The following FTCDNL1 variants were observed in gnomAD, a reference collection of about 807,000 sequenced individuals.
The protein encoded by FTCDNL1 is formiminotransferase N-terminal subdomain-containing protein.
Under a neutral mutation model 5.9 loss-of-function variants are expected in FTCDNL1, and 11 were observed. That is an observed-to-expected ratio of 1.87 (90% CI 1.18 to 3.10). The LOEUF is 3.10. Ranked by LOEUF, FTCDNL1 falls within the 30% of genes most tolerant of loss-of-function variation. The pLI is 0.00. For missense variants in FTCDNL1, 115 were observed against 65.5 expected, an observed-to-expected ratio of 1.76 and a Z score of -2.61; for synonymous variants, 58 against 24.8, an observed-to-expected ratio of 2.34 and a Z score of -3.99.
chr2:199,813,910 C>A (rs1701185459), intron 4 of FTCDNL1, among the ~76,000 whole-genome samples: 1 of 48,558 alleles, frequency 2.1e-5, no homozygotes. Flanking sequence ...GAGACTCTGT[C>A]TCAAAAAAAA....
chr2:199,805,854 G>C (rs1048109930), downstream of FTCDNL1, among the ~76,000 whole-genome samples: 15 of 151,944 alleles, frequency 9.9e-5, no homozygotes, highest in Admixed American at 2.6e-4. Flanking sequence ...GGGACGTCAA[G>C]GCTGCAGAGA....
intron 3 of FTCDNL1, among the ~76,000 whole-genome samples, chr2:199,829,186 T>C (rs1042882432): frequency 2.6e-5 from 4 of 152,202 alleles, no homozygotes; most frequent in Non-Finnish European, 5.9e-5. Context: ...CAGTTTTTTT[T>C]AGGTTATTTT....
the FTCDNL1 span, among the ~76,000 whole-genome samples, chr2:199,718,889 T>A: frequency 2.0e-5 from 3 of 152,236 alleles, no homozygotes; most frequent in African/African-American, 7.2e-5. Flanking sequence ...AATGATTTTT[T>A]TTATTATTTT....
chr2:199,779,931 A>T (rs1024427906), intron 3 of FTCDNL1, among the ~76,000 whole-genome samples: 1 of 152,186 alleles, frequency 6.6e-6, no homozygotes, highest in Non-Finnish European at 1.5e-5. Flanking sequence ...TCAGCAGAGG[A>T]CCACAGCCTG....
At chr2:199,797,937 G>T (rs757772456) in intron 3 of FTCDNL1, among the ~76,000 whole-genome samples, 2 of 152,196 alleles carry the variant, frequency 1.3e-5, no homozygotes, top group Non-Finnish European at 2.9e-5. Flanking sequence ...ACAACAGGAA[G>T]AGGCATGAGG....
At chr2:199,697,735 C>T in the FTCDNL1 span, among the ~76,000 whole-genome samples, 1 of 152,144 alleles carries the variant, frequency 6.6e-6, no homozygotes, top group Non-Finnish European at 1.5e-5. Flanking sequence ...CTCTACATAA[C>T]AACCAGCTAA....
Position 199,819,676 on chromosome 2 carries a change from C to G in FTCDNL1, c.293G>C (p.Ser98Thr). The G allele has an allele frequency of 2.8e-6, 2 of 702,356 alleles. No individual in the cohort carries two copies. The highest frequency in any genetic ancestry group is 5.4e-5 in the East Asian group (2 of 37,292). 43.5% of individuals were successfully genotyped at this position (702,356 alleles called of 1,614,324 possible). A position where few individuals can be genotyped will look rare whatever the true frequency, so the allele number is the denominator to read the frequency against. ...CAGCTGCTTCCTTCTCTGCACAAGA[C>G]TGCGCTTCTCAGGCAGGTCAGCTTC... is the stretch of plus-strand genomic sequence containing the variant. ...FGEADLPEKRSLVQRRKQLGW... is the reference protein window; with the variant it reads ...FGEADLPEKRTLVQRRKQLGW... Residue 98 changes from serine (S) to threonine (T), a missense_variant, in exon 4 of 5, where the codon AGT becomes ACT. By Grantham distance (58) the Ser-to-Thr change is moderately conservative. Coordinates refer to ENST00000420128, the MANE Select transcript of FTCDNL1 (RefSeq NM_001363886.2).
At position 199,773,072 on chromosome 2, in the gene FTCDNL1, C is replaced by T. The variant is rs115586039; in HGVS notation, c.212-12237G>A. On this transcript the variant is annotated intron_variant, in intron 3 of 3. Coordinates refer to the FTCDNL1 transcript ENST00000416668. ...TTTAATGGGGATATGATGAGGCTCACTACCCCTGTAAGGCTGGTATTAATT... is the reference window on the plus strand; with the variant it reads ...TTTAATGGGGATATGATGAGGCTCATTACCCCTGTAAGGCTGGTATTAATT... Among the ~76,000 whole-genome samples the T allele has an allele frequency of 4.5e-3, 681 of 152,228 alleles. 6 individuals are homozygous for T. Among genetic ancestry groups the T allele is most frequent in the African/African-American group, 0.015 (616 of 41,540 alleles).
intron 3 of FTCDNL1, among the ~76,000 whole-genome samples, chr2:199,777,778 G>T (rs1369549799): frequency 1.3e-5 from 2 of 152,026 alleles, no homozygotes; most frequent in Admixed American, 1.3e-4. Flanking sequence ...CTGACAAGGG[G>T]GTGGAACGTT....
At chr2:199,717,680 A>G in the FTCDNL1 span, among the ~76,000 whole-genome samples, 1 of 152,000 alleles carries the variant, frequency 6.6e-6, no homozygotes, top group Non-Finnish European at 1.5e-5. Flanking sequence ...GGAGGCCACA[A>G]CTGGTCAGCA....
At chr2:199,685,391 A>G in the FTCDNL1 span, among the ~76,000 whole-genome samples, 1 of 152,256 alleles carries the variant, frequency 6.6e-6, no homozygotes, top group African/African-American at 2.4e-5. Context: ...CACTACCTCC[A>G]GAGCCACCTA....
intron 3 of FTCDNL1, among the ~76,000 whole-genome samples, chr2:199,787,349 A>C (rs1699709685): frequency 6.6e-6 from 1 of 151,788 alleles, no homozygotes; most frequent in African/African-American, 2.4e-5. Context: ...CGCCCAGCTA[A>C]TTTCTTGTAT....
intron 3 of FTCDNL1, among the ~76,000 whole-genome samples, chr2:199,839,995 G>A (rs1351956567): frequency 2.0e-5 from 3 of 152,202 alleles, no homozygotes; most frequent in Non-Finnish European, 4.4e-5. Context: ...ATGGGATTCA[G>A]GTTGAGGACC....
chr2:199,744,854 C>T, the FTCDNL1 span, among the ~76,000 whole-genome samples: 1 of 152,228 alleles, frequency 6.6e-6, no homozygotes, highest in African/African-American at 2.4e-5. Context: ...TTTCCTAGAG[C>T]TAAGCCTGCT....
chr2:199,819,701 C>T lies in FTCDNL1; in HGVS notation c.268G>A (p.Glu90Lys), dbSNP rs905139170. The T allele has an allele frequency of 4.0e-5, 28 of 702,150 alleles. No individual in the cohort carries two copies. Among genetic ancestry groups the T allele is most frequent in the African/African-American group, 7.0e-5 (4 of 57,210 alleles). 43.5% of individuals were successfully genotyped at this position (702,150 alleles called of 1,614,324 possible). A position where few individuals can be genotyped will look rare whatever the true frequency, so the allele number is the denominator to read the frequency against. ...VPGCSVFLFG[E>K]ADLPEKRSLV... ...CTGCGCTTCTCAGGCAGGTCAGCTT[C>T]GCCAAAGAGAAACACGCTGCAGCCA... is the stretch of plus-strand genomic sequence containing the variant. The change falls in exon 4 of 5, where the codon GAA (glutamate) becomes AAA (lysine). Residue 90 changes from glutamate (E) to lysine (K), a missense_variant. Transcript: ENST00000420128.
intron 3 of FTCDNL1, among the ~76,000 whole-genome samples, chr2:199,762,189 C>T (rs1698304235): frequency 1.3e-5 from 2 of 152,028 alleles, no homozygotes; most frequent in African/African-American, 4.8e-5. Context: ...GACCAGCCTG[C>T]CCAATATAGT....
the FTCDNL1 span, among the ~76,000 whole-genome samples, chr2:199,689,138 C>A: frequency 6.6e-6 from 1 of 152,258 alleles, no homozygotes. Context: ...TATTAAAAAT[C>A]ATCTTGCAGA....
intron 3 of FTCDNL1, among the ~76,000 whole-genome samples, chr2:199,782,131 C>A (rs992966861): frequency 6.6e-6 from 1 of 152,194 alleles, no homozygotes; most frequent in African/African-American, 2.4e-5. Context: ...ACAACTGGCA[C>A]AAGAGCTACA....
the FTCDNL1 span, among the ~76,000 whole-genome samples, chr2:199,740,508 C>T: frequency 2.0e-5 from 3 of 152,142 alleles, no homozygotes; most frequent in Admixed American, 1.3e-4. Flanking sequence ...GGGCTGGAGC[C>T]CCATTCTAAG....
Sources: allele counts gnomAD v4.1 joint callset (sites outside exome capture counted in the v4.1 genomes callset), GRCh38; gene constraint gnomAD v4.1.1; transcripts MANE v1.5; gene names NCBI Gene and HGNC (gene_info 2026-07-23, HGNC 2026-07-21).